Variants in CTNNA3 observed in about 807,000 individuals in gnomAD.
CTNNA3 encodes the protein catenin alpha-3.
In CTNNA3, 76 loss-of-function variants were observed where a neutral mutation model predicts 95.7. That is an observed-to-expected ratio of 0.79 (90% CI 0.66 to 0.96). The LOEUF is 0.96. CTNNA3 is among the 40% of genes least tolerant of loss of function. CTNNA3 has a pLI of 0.00. For synonymous variants in CTNNA3, 431 were observed against 374.4 expected, an observed-to-expected ratio of 1.15 and a Z score of -1.74; for missense variants, 1,191 against 1,089.8, an observed-to-expected ratio of 1.09 and a Z score of -1.31.
At chr10:65,953,213 C>T (rs2077654796) in intron 17 of CTNNA3, among the ~76,000 whole-genome samples, 1 of 152,086 alleles carries the variant, frequency 6.6e-6, no homozygotes, top group Non-Finnish European at 1.5e-5. Context: ...GAATCTGCTC[C>T]CTGATGAGAA....
At chr10:67,654,845 T>G (rs1839976470) in intron 1 of CTNNA3, among the ~76,000 whole-genome samples, 1 of 152,242 alleles carries the variant, frequency 6.6e-6, no homozygotes, top group Admixed American at 6.5e-5. Flanking sequence ...CTGATTTCCA[T>G]GCAAGAGTGT....
chr10:67,363,495 A>C (rs761462159), intron 5 of CTNNA3, among the ~76,000 whole-genome samples: 55 of 152,058 alleles, frequency 3.6e-4, no homozygotes, highest in Non-Finnish European at 5.9e-4. Context: ...CACACACACA[A>C]AAAAACTCTT....
intron 3 of CTNNA3, among the ~76,000 whole-genome samples, chr10:67,554,911 C>T (rs1841178732): frequency 1.3e-5 from 2 of 152,104 alleles, no homozygotes; most frequent in Admixed American, 6.5e-5. Flanking sequence ...GTCTTTAATC[C>T]ATCTGGAATT....
chr10:67,370,444 T>A (rs980895620), intron 5 of CTNNA3, among the ~76,000 whole-genome samples: 1 of 152,214 alleles, frequency 6.6e-6, no homozygotes, highest in African/African-American at 2.4e-5. Flanking sequence ...TTTTTCTAAA[T>A]TTGATCATGG....
At chr10:66,751,817 A>G (rs1317328115) in intron 9 of CTNNA3, among the ~76,000 whole-genome samples, 1 of 152,210 alleles carries the variant, frequency 6.6e-6, no homozygotes, top group African/African-American at 2.4e-5. Context: ...AAAAAGAAAA[A>G]CCCATAAACT....
intron 7 of CTNNA3, among the ~76,000 whole-genome samples, chr10:66,866,210 C>T (rs577247289): frequency 8.5e-4 from 129 of 152,294 alleles, no homozygotes; most frequent in Admixed American, 2.9e-3. Context: ...CCTCAGGACT[C>T]CTGCCTGTCA....
In CTNNA3 at chr10:66,234,867, A is replaced by C. The variant is rs545800552; in HGVS notation, c.1884+45603T>G. On this transcript the variant is annotated intron_variant, in intron 13 of 17. Transcript: ENST00000433211. ...TACCTTCCAAAAGACTGTGACTTTA[A>C]TCTCCTTCACAGGCTCTTTCTCACT... is the stretch of plus-strand genomic sequence containing the variant. Among the ~76,000 whole-genome samples, 35 of 152,338 alleles carry C rather than the reference A, an allele frequency of 2.3e-4. 1 individual carries two copies. In the South Asian group the frequency reaches 7.3e-3, roughly 32 times the overall value.
At chr10:66,615,110 A>G (rs1393521565) in intron 10 of CTNNA3, among the ~76,000 whole-genome samples, 2 of 152,144 alleles carry the variant, frequency 1.3e-5, no homozygotes, top group South Asian at 4.1e-4. Flanking sequence ...TTTTCTGCCT[A>G]TCCTTTAAAC....
chr10:66,549,295 C>A (rs537956365), intron 10 of CTNNA3, among the ~76,000 whole-genome samples: 2 of 152,232 alleles, frequency 1.3e-5, no homozygotes, highest in African/African-American at 4.8e-5. Flanking sequence ...CACGCCCGGC[C>A]GCCTTTCTTC....
chr10:66,697,230 T>C (rs889510094), intron 9 of CTNNA3, among the ~76,000 whole-genome samples: 5 of 149,574 alleles, frequency 3.3e-5, no homozygotes, highest in African/African-American at 9.8e-5. Flanking sequence ...TGTGTATTTA[T>C]GTGTGTATAT....
chr10:66,294,416 C>A (rs772186516), intron 12 of CTNNA3, among the ~76,000 whole-genome samples: 5 of 152,178 alleles, frequency 3.3e-5, no homozygotes, highest in Middle Eastern at 3.4e-3. Context: ...GACAGCAGCA[C>A]TTTTTCATCT....
intron 15 of CTNNA3, among the ~76,000 whole-genome samples, chr10:65,990,865 A>G (rs2078531515): frequency 6.6e-6 from 1 of 151,908 alleles, no homozygotes; most frequent in Non-Finnish European, 1.5e-5. Context: ...CATTTCCCCA[A>G]TGTTTTCTTC....
chr10:66,381,919 A>T (rs998772983), intron 11 of CTNNA3, among the ~76,000 whole-genome samples: 8 of 152,168 alleles, frequency 5.3e-5, no homozygotes, highest in African/African-American at 1.7e-4. Flanking sequence ...AAGTCCACAG[A>T]TGTACACTTT....
At chr10:67,732,869 CTCTT>C (rs1459881201) in intron 1 of CTNNA3, among the ~76,000 whole-genome samples, 1 of 144,652 alleles carries the variant, frequency 6.9e-6, no homozygotes, top group Admixed American at 6.9e-5. Context: ...AGCCTTCTCC[CTCTT>C]TCTCTCACTC....
intron 9 of CTNNA3, among the ~76,000 whole-genome samples, chr10:66,674,115 T>C (rs1465817459): frequency 3.3e-5 from 5 of 152,026 alleles, no homozygotes; most frequent in African/African-American, 4.8e-5. Flanking sequence ...TCTATTCTTA[T>C]AAGATTTATG....
chr10:66,360,642 TCTTTCTTTCTTTCTTTCTTCCTTC>T lies in CTNNA3; in HGVS notation c.1732+18486_1732+18509del, dbSNP rs1383326082. On this transcript the variant is annotated intron_variant, in intron 12 of 17. Transcript: ENST00000433211. ...TTCTTTCTTTCTTTCTTTCTTTCTT[TCTTTCTTTCTTTCTTTCTTCCTTC>T]CTTCCTTCCTTCCTTCCTTCCTTCC... 8.6e-3 allele frequency among the ~76,000 whole-genome samples: 539 copies of T among 62,372 alleles called. 6 individuals are homozygous for T. The highest frequency in any genetic ancestry group is 0.03 in the African/African-American group (506 of 17,130). The allele number at this position is 62,372 out of a possible 152,430, so 40.9% of individuals were successfully genotyped here.
chr10:67,109,983 T>C (rs1307100264), intron 7 of CTNNA3, among the ~76,000 whole-genome samples: 2 of 152,240 alleles, frequency 1.3e-5, no homozygotes, highest in African/African-American at 4.8e-5. Flanking sequence ...TAAAATACTC[T>C]TGAGAATTAT....
intron 9 of CTNNA3, among the ~76,000 whole-genome samples, chr10:66,713,719 G>A (rs888585719): frequency 5.9e-5 from 9 of 151,844 alleles, no homozygotes; most frequent in South Asian, 2.1e-4. Flanking sequence ...TTCTATTCTC[G>A]AATCATATCT....
At chr10:67,219,084 C>T (rs908770798) in intron 6 of CTNNA3, among the ~76,000 whole-genome samples, 1 of 152,208 alleles carries the variant, frequency 6.6e-6, no homozygotes. Flanking sequence ...ACCTTCAAGC[C>T]TTTGCTCTAG....
Sources: gnomAD v4.1 joint callset for allele counts (sites outside exome capture counted in the v4.1 genomes callset) on GRCh38, gnomAD v4.1.1 for gene constraint, MANE v1.5 for transcripts, NCBI Gene and HGNC (gene_info 2026-07-23, HGNC 2026-07-21) for gene names.